The following LMO1 variants were observed in gnomAD, a reference collection of about 807,000 sequenced individuals.
LMO1 encodes the protein LIM domain only 1, also known as rhombotin-1.
Under a neutral mutation model 18.0 loss-of-function variants are expected in LMO1, and 10 were observed. That is an observed-to-expected ratio of 0.55 (90% CI 0.34 to 0.94). The LOEUF (loss-of-function observed/expected upper bound fraction) is 0.94, where lower values mean the gene tolerates loss of function less well. Ranked by LOEUF, LMO1 falls within the 40% of genes least tolerant of loss-of-function variation. The pLI is 0.02. For missense variants in LMO1, 183 were observed against 205.7 expected (o/e 0.89, Z 0.68); for synonymous variants, 77 against 77.9 (o/e 0.99, Z 0.06).
At chr11:8,246,829 G>A (rs1358053113) in intron 1 of LMO1, among the ~76,000 whole-genome samples, 2 of 152,108 alleles carry the variant, frequency 1.3e-5, no homozygotes, top group Non-Finnish European at 2.9e-5. Context: ...GCTAGAAGCT[G>A]CCAGGTGGGG....
intron 1 of LMO1, among the ~76,000 whole-genome samples, chr11:8,256,047 A>G (rs12797411): frequency 0.48 from 72,687 of 151,368 alleles, 17,865 homozygotes; most frequent in Middle Eastern, 0.63. Flanking sequence ...GGATGGTCTC[A>G]ATCTCCTGAC....
intron 1 of LMO1, among the ~76,000 whole-genome samples, chr11:8,246,244 G>A (rs1222152165): frequency 5.3e-5 from 8 of 152,060 alleles, no homozygotes; most frequent in African/African-American, 1.2e-4. Flanking sequence ...GTACATGAAC[G>A]TTCCTAGCAG....
chr11:8,245,932 G>T (rs567459037), intron 1 of LMO1, among the ~76,000 whole-genome samples: 1 of 152,294 alleles, frequency 6.6e-6, no homozygotes, highest in East Asian at 1.9e-4. Context: ...AGGGGAAAAA[G>T]CAAGTCACAT....
chr11:8,224,804 C>T, intron 3 of LMO1, 83 bp from the exon 4 acceptor site: 1 of 880,894 alleles, frequency 1.1e-6, no homozygotes. Context: ...CCGGCCTGGC[C>T]TATGAGGTGA....
chr11:8,251,983 TGGGG>T (rs1250862917), intron 1 of LMO1, among the ~76,000 whole-genome samples: 2 of 118,008 alleles, frequency 1.7e-5, no homozygotes, highest in East Asian at 9.4e-4. Flanking sequence ...TGTGCGTGTG[TGGGG>T]GTGTGCGTGT....
chr11:8,235,700 A>G (rs940640717), intron 1 of LMO1, among the ~76,000 whole-genome samples: 5 of 152,188 alleles, frequency 3.3e-5, no homozygotes, highest in African/African-American at 1.2e-4. Context: ...ATTTCATGGA[A>G]TATCTCTCAA....
At chr11:8,234,038 A>G (rs966768136) in intron 1 of LMO1, among the ~76,000 whole-genome samples, 1 of 152,082 alleles carries the variant, frequency 6.6e-6, no homozygotes, top group Non-Finnish European at 1.5e-5. Flanking sequence ...CTGGGCACAC[A>G]CTCAGATGCA....
At chr11:8,225,823 C>T (rs1303753182) in intron 3 of LMO1, among the ~76,000 whole-genome samples, 1 of 152,216 alleles carries the variant, frequency 6.6e-6, no homozygotes, top group African/African-American at 2.4e-5. Flanking sequence ...GCCAGACCAG[C>T]GTTCCCTGTA....
At chr11:8,225,340 AG>A (rs1952516375) in intron 3 of LMO1, among the ~76,000 whole-genome samples, 1 of 132,956 alleles carries the variant, frequency 7.5e-6, no homozygotes, top group South Asian at 2.7e-4. Flanking sequence ...AGGAGGCGGA[AG>A]TTGCAGTGAG....
At chr11:8,259,733 C>T (rs1334751082) in intron 1 of LMO1, among the ~76,000 whole-genome samples, 2 of 152,190 alleles carry the variant, frequency 1.3e-5, no homozygotes, top group Non-Finnish European at 2.9e-5. Context: ...ACATGAGTGT[C>T]TATCCTAGGA....
At chr11:8,232,066 C>A (rs975928036) in intron 1 of LMO1, among the ~76,000 whole-genome samples, 1 of 152,170 alleles carries the variant, frequency 6.6e-6, no homozygotes, top group African/African-American at 2.4e-5. Context: ...CTCCTGTGCT[C>A]GCTCTCAGCC....
intron 2 of LMO1, among the ~76,000 whole-genome samples, chr11:8,229,376 C>G (rs1055054029): frequency 2.0e-5 from 3 of 152,314 alleles, no homozygotes; most frequent in African/African-American, 7.2e-5. Flanking sequence ...CCCCTTGCAA[C>G]ATGCCCAGAC....
chr11:8,247,817 C>A (rs1846921386), intron 1 of LMO1, among the ~76,000 whole-genome samples: 1 of 152,214 alleles, frequency 6.6e-6, no homozygotes, highest in South Asian at 2.1e-4. Flanking sequence ...CTCTAAATTT[C>A]TCCCCCAAAG....
chr11:8,263,665 T>C lies in LMO1; in HGVS notation c.-303A>G. 1.5e-6 allele frequency: 2 copies of C among 1,298,272 alleles called. No individual in the cohort carries two copies. The highest frequency in any genetic ancestry group is 2.0e-6 in the Non-Finnish European group (2 of 1,025,594). The allele number at this position is 1,298,272 out of a possible 1,614,324, so 80.4% of individuals were successfully genotyped here. Reference sequence around the variant, plus strand: ...AAGAGGATCAGAGCCGTTTCTTTGATTCTCACCTTCTAAATGGCTCAATTT... The same window carrying C: ...AAGAGGATCAGAGCCGTTTCTTTGACTCTCACCTTCTAAATGGCTCAATTT... On this transcript the variant is annotated 5_prime_UTR_variant, in exon 1 of 4. Transcript: ENST00000335790.
intron 1 of LMO1, among the ~76,000 whole-genome samples, chr11:8,255,849 G>A (rs1306539003): frequency 1.3e-4 from 14 of 103,986 alleles, no homozygotes; most frequent in African/African-American, 4.7e-4. Context: ...TTTTTGAGAC[G>A]GAGTCTCGCT....
chr11:8,227,084 C>T lies in LMO1; in HGVS notation c.256G>A (p.Gly86Arg). ...RDYLRLFGTTGNCAACSKLIP... is the reference protein window; with the variant it reads ...RDYLRLFGTTRNCAACSKLIP... ...AGCTTGCTGCAAGCAGCACAGTTCC[C>T]TGTGGTGCCAAAGAGCCTGCCGAGG... is the stretch of plus-strand genomic sequence containing the variant. The change falls in exon 3 of 4, where the codon GGG becomes AGG. Residue 86 changes from glycine to arginine, a missense_variant. Gly to Arg is a moderately radical substitution (Grantham distance 125, BLOSUM62 -2). Coordinates refer to ENST00000335790, the MANE Select transcript of LMO1 (RefSeq NM_002315.3). 2 of 1,613,542 alleles carry T rather than the reference C, an allele frequency of 1.2e-6. No individual in the cohort carries two copies. Among genetic ancestry groups the T allele is most frequent in the Non-Finnish European group, 1.7e-6 (2 of 1,179,634 alleles).
chr11:8,263,432 G>C lies in LMO1; in HGVS notation c.-70C>G. 1.3e-6 allele frequency: 2 copies of C among 1,585,462 alleles called. No individual in the cohort carries two copies. The highest frequency in any genetic ancestry group is 2.3e-5 in the South Asian group (2 of 88,174). ...AGGGCGCCGACTCGGGGCGCGCTTTGGAGGGGCGGCCGGTCTTCGGGCAGC... is the reference window on the plus strand; with the variant it reads ...AGGGCGCCGACTCGGGGCGCGCTTTCGAGGGGCGGCCGGTCTTCGGGCAGC... On this transcript the variant is annotated 5_prime_UTR_variant, in exon 1 of 4. Transcript: ENST00000335790.
At chr11:8,234,787 G>A (rs1441137859) in intron 1 of LMO1, among the ~76,000 whole-genome samples, 1 of 152,122 alleles carries the variant, frequency 6.6e-6, no homozygotes, top group African/African-American at 2.4e-5. Flanking sequence ...TCCCGCAAAT[G>A]GATCTTGTTA....
chr11:8,244,234 C>A (rs1846850816), intron 1 of LMO1, among the ~76,000 whole-genome samples: 1 of 152,212 alleles, frequency 6.6e-6, no homozygotes, highest in Non-Finnish European at 1.5e-5. Flanking sequence ...CCAGCCCCTC[C>A]TAGCCCCCAG....
Sources: allele counts gnomAD v4.1 joint callset (sites outside exome capture counted in the v4.1 genomes callset), GRCh38; gene constraint gnomAD v4.1.1; transcripts MANE v1.5; gene names NCBI Gene and HGNC (gene_info 2026-07-23, HGNC 2026-07-21).